FAH: variants seen among roughly 807,000 people sequenced by gnomAD.
The protein encoded by FAH is fumarylacetoacetate hydrolase, also known as fumarylacetoacetase.
In FAH, 47 loss-of-function variants were observed where a neutral mutation model predicts 55.8. The observed-to-expected ratio is 0.84, with a 90% CI of 0.67 to 1.07. The LOEUF is 1.07. FAH is among the 50% of genes least tolerant of loss of function. The pLI, the probability that FAH is intolerant of heterozygous loss-of-function variation, is 0.00. For missense variants in FAH, 495 were observed against 545.9 expected, an observed-to-expected ratio of 0.91 and a Z score of 0.93; for synonymous variants, 199 against 207.7, an observed-to-expected ratio of 0.96 and a Z score of 0.36.
chr15:80,173,037 T>C lies in FAH; in HGVS notation c.730T>C (p.Tyr244His). The part of the protein sequence containing the change: ...WSARDIQKWE[Y>H]VPLGPFLGKS... ...AGCACGAGACATTCAGAAGTGGGAG[T>C]ATGTCCCTCTCGGGCCATTCCTTGG... The change falls in exon 9 of 14, where the codon TAT (tyrosine) becomes CAT (histidine). Residue 244 changes from tyrosine to histidine, a missense_variant. By Grantham distance (83) the Tyr-to-His change is moderately conservative. Coordinates refer to ENST00000561421, the MANE Select transcript of FAH (RefSeq NM_000137.4). 2 of 1,614,134 alleles carry C rather than the reference T, an allele frequency of 1.2e-6. No homozygotes were observed. Among genetic ancestry groups the C allele is most frequent in the African/African-American group, 2.7e-5 (2 of 75,016 alleles).
rs1293975944 is a variant in FAH at position 80,171,016 on chromosome 15, GCTGCATGAAGGAGGCA to G, written c.607-1132_607-1117del. On this transcript the variant is annotated intron_variant, in intron 7 of 13. Coordinates refer to ENST00000561421, the MANE Select transcript of FAH (RefSeq NM_000137.4). ...GGGTGTGCTCTCTCTGGTACTATTTGCTGCATGAAGGAGGCAGTCTTTTGGTTTTTCATTTTTCATT... is the reference window on the plus strand; with the variant it reads ...GGGTGTGCTCTCTCTGGTACTATTTGGTCTTTTGGTTTTTCATTTTTCATT... Among the ~76,000 whole-genome samples, 3 of 151,934 alleles carry G rather than the reference GCTGCATGAAGGAGGCA, an allele frequency of 2.0e-5. No homozygotes were observed. In the East Asian group the frequency reaches 5.8e-4, roughly 29 times the overall value.
chr15:80,161,392 T>C (rs1243197823), intron 4 of FAH, among the ~76,000 whole-genome samples: 3 of 151,734 alleles, frequency 2.0e-5, no homozygotes, highest in African/African-American at 7.2e-5. Context: ...TGGACTGTTC[T>C]TCCTCTCCTC....
chr15:80,154,304 TAGAC>T (rs989325308), intron 1 of FAH, among the ~76,000 whole-genome samples: 2 of 152,230 alleles, frequency 1.3e-5, no homozygotes, highest in African/African-American at 4.8e-5. Flanking sequence ...ACAAATCCAT[TAGAC>T]AGAAACATTT....
intron 1 of FAH, 116 bp downstream of exon 1, chr15:80,153,251 C>T: frequency 2.4e-6 from 2 of 847,524 alleles, no homozygotes; most frequent in South Asian, 2.8e-5. Flanking sequence ...AGGCTTGTGC[C>T]ATTTTTCTCT....
intron 2 of FAH, among the ~76,000 whole-genome samples, chr15:80,159,071 C>G (rs918630157): frequency 3.3e-5 from 5 of 152,022 alleles, no homozygotes; most frequent in African/African-American, 1.2e-4. Context: ...AACCCCCTCT[C>G]TACTAAAAAT....
chr15:80,163,905 C>T (rs1416946399), intron 5 of FAH, among the ~76,000 whole-genome samples: 1 of 152,076 alleles, frequency 6.6e-6, no homozygotes, highest in Non-Finnish European at 1.5e-5. Flanking sequence ...TTGGTCTATT[C>T]ACAATATGAA....
At chr15:80,179,163 A>G (rs779831405) in intron 11 of FAH, among the ~76,000 whole-genome samples, 1 of 152,158 alleles carries the variant, frequency 6.6e-6, no homozygotes, top group African/African-American at 2.4e-5. Flanking sequence ...TGCCTGCTCC[A>G]CATCCTCGTC....
chr15:80,184,937 C>T (rs190909650), intron 13 of FAH, among the ~76,000 whole-genome samples: 17 of 152,290 alleles, frequency 1.1e-4, no homozygotes, highest in Non-Finnish European at 2.1e-4. Context: ...CGCTCAGCAC[C>T]TTGTAAGCAT....
intron 1 of FAH, among the ~76,000 whole-genome samples, chr15:80,154,525 GC>G (rs1001493783): frequency 6.6e-6 from 1 of 152,214 alleles, no homozygotes; most frequent in African/African-American, 2.4e-5. Context: ...TGGAGAGTTG[GC>G]CCTTTGGCCT....
rs540196451 is a variant in FAH, at chr15:80,164,668, C to G, written c.455+2332C>G. Among the ~76,000 whole-genome samples the G allele has an allele frequency of 1.5e-4, 23 of 152,178 alleles. 1 individual carries two copies. Among genetic ancestry groups the G allele is most frequent in the African/African-American group, 5.3e-4 (22 of 41,514 alleles). The stretch of plus-strand genomic sequence containing the variant: ...AACATTGCTTTCCTCAGGGGAGTGG[C>G]CGGGTGGGGAGAGATTACTAACTCC... On this transcript the variant is annotated intron_variant, in intron 5 of 13. Transcript: ENST00000561421.
intron 7 of FAH, among the ~76,000 whole-genome samples, chr15:80,169,518 T>G (rs562269193): frequency 5.5e-4 from 83 of 152,172 alleles, no homozygotes; most frequent in Non-Finnish European, 9.1e-4. Context: ...TTTTTATTTG[T>G]TTTTTGTTTT....
intron 1 of FAH, 70 bp downstream of exon 1, chr15:80,153,205 G>A (rs1595888609): frequency 7.6e-6 from 9 of 1,191,368 alleles, no homozygotes; most frequent in South Asian, 2.6e-5. Flanking sequence ...GTGGAGTGGA[G>A]TGGAGTGGAA....
intron 5 of FAH, chr15:80,167,283 T>G (rs2041199728): frequency 6.6e-6 from 1 of 152,530 alleles, no homozygotes; most frequent in Non-Finnish European, 1.5e-5. Context: ...TCTAGGACCG[T>G]CCTTGTCCTT....
intron 10 of FAH, among the ~76,000 whole-genome samples, chr15:80,176,592 C>G (rs1011204568): frequency 6.6e-6 from 1 of 152,202 alleles, no homozygotes; most frequent in East Asian, 1.9e-4. Context: ...GAAAAGGATT[C>G]ACCCCGAGCC....
intron 5 of FAH, among the ~76,000 whole-genome samples, chr15:80,164,902 G>A (rs970111942): frequency 1.3e-5 from 2 of 152,140 alleles, no homozygotes; most frequent in Admixed American, 6.6e-5. Flanking sequence ...ACGTATGCAC[G>A]CATACATATG....
rs2041212588 is a variant in FAH at position 80,168,270 on chromosome 15, C to T, written c.560C>T (p.Pro187Leu). Residue 187 changes from proline to leucine, a missense_variant, in exon 7 of 14, where the codon CCT becomes CTT. Pro to Leu is a moderately conservative substitution (Grantham distance 98). Coordinates refer to ENST00000561421, the MANE Select transcript of FAH (RefSeq NM_000137.4). Reference protein sequence around the residue: ...MGQMKPDDSKPPVYGACKLLD... With the variant: ...MGQMKPDDSKLPVYGACKLLD... ...TTTTCTGGTGTTATTCCAGCTAAGC[C>T]TCCCGTATATGGTGCCTGCAAGCTC... is the stretch of plus-strand genomic sequence containing the variant. 1.2e-6 allele frequency: 2 copies of T among 1,611,378 alleles called. No homozygotes were observed.
intron 13 of FAH, among the ~76,000 whole-genome samples, chr15:80,184,556 C>A (rs1253677466): frequency 6.6e-6 from 1 of 151,694 alleles, no homozygotes; most frequent in African/African-American, 2.4e-5. Flanking sequence ...TGCTGGGAGC[C>A]AGTTTTACTT....
At chr15:80,160,079 A>G (rs971394185) in intron 3 of FAH, 4 of 731,696 alleles carry the variant, frequency 5.5e-6, no homozygotes, top group Non-Finnish European at 4.5e-6. Context: ...CCTGGAATGG[A>G]GCTGCCCAAG....
Position 80,175,021 on chromosome 15 carries a change from C to G in FAH, c.843C>G (p.Pro281=), listed in dbSNP as rs755556442. The change falls in exon 10 of 14, where the codon CCC becomes CCG. Residue 281 remains proline (P), a synonymous_variant. Coordinates refer to ENST00000561421, the MANE Select transcript of FAH (RefSeq NM_000137.4). ...PFAVPNPKQD[P]RPLPYLCHDE... ...GCTGTGCTTTGCCCTCTCAGGACCC[C>G]AGGCCCCTGCCGTATCTGTGCCATG... 7.4e-6 allele frequency: 12 copies of G among 1,613,942 alleles called. No homozygotes were observed. Among genetic ancestry groups the G allele is most frequent in the Middle Eastern group, 3.3e-4 (2 of 6,078 alleles).
Sources: gnomAD v4.1 joint callset for allele counts (sites outside exome capture counted in the v4.1 genomes callset) on GRCh38, gnomAD v4.1.1 for gene constraint, MANE v1.5 for transcripts, NCBI Gene and HGNC (gene_info 2026-07-23, HGNC 2026-07-21) for gene names.